Variants in GAS7 observed in about 807,000 individuals in gnomAD.
GAS7 encodes growth arrest-specific protein 7.
GAS7 carries 28 observed loss-of-function variants against 71.1 expected under a neutral mutation model. That is an observed-to-expected ratio of 0.39 (90% CI 0.29 to 0.54). The LOEUF (loss-of-function observed/expected upper bound fraction) is 0.54. Ranked by LOEUF, GAS7 falls within the 20% of genes least tolerant of loss-of-function variation. GAS7 has a pLI of 0.62. For missense variants in GAS7, 436 were observed against 627.8 expected, an observed-to-expected ratio of 0.69 and a Z score of 3.27; for synonymous variants, 258 against 245.8, an observed-to-expected ratio of 1.05 and a Z score of -0.46.
intron 1 of GAS7, among the ~76,000 whole-genome samples, chr17:10,056,435 C>A (rs2073137485): frequency 6.6e-6 from 1 of 151,902 alleles, no homozygotes; most frequent in African/African-American, 2.4e-5. Flanking sequence ...TTCAAGGCTG[C>A]AATGAACTAT....
intron 1 of GAS7, among the ~76,000 whole-genome samples, chr17:10,106,470 T>C (rs911681895): frequency 2.0e-5 from 3 of 152,224 alleles, no homozygotes; most frequent in African/African-American, 4.8e-5. Context: ...CCGGGAGAGC[T>C]AATGAAGAAC....
intron 1 of GAS7, among the ~76,000 whole-genome samples, chr17:10,170,159 T>A (rs1337338259): frequency 6.6e-6 from 1 of 150,622 alleles, no homozygotes; most frequent in Non-Finnish European, 1.5e-5. Flanking sequence ...TGCTCCCCCC[T>A]CCATCCCCCC....
intron 1 of GAS7, among the ~76,000 whole-genome samples, chr17:10,063,129 G>A (rs1443372285): frequency 1.3e-5 from 2 of 152,252 alleles, no homozygotes; most frequent in Non-Finnish European, 2.9e-5. Context: ...CTCTGTGGTG[G>A]TTTCATGGGG....
rs1287323110 is a variant in GAS7 at position 10,186,570 on chromosome 17, A to AT, written c.183+11637dup. On this transcript the variant is annotated intron_variant, in intron 1 of 13. Transcript: ENST00000432992. ...AGGCATGTGCCACCAAGCCAGGCCA[A>AT]TTTTTTTGTATTTTTAGTAGGGACT... is the stretch of plus-strand genomic sequence containing the variant. Among the ~76,000 whole-genome samples, 3 of 151,702 alleles carry AT rather than the reference A, an allele frequency of 2.0e-5. No individual in the cohort carries two copies. In the East Asian group the frequency reaches 5.8e-4, roughly 30 times the overall value.
intron 1 of GAS7, among the ~76,000 whole-genome samples, chr17:10,129,137 G>A (rs1283760022): frequency 2.0e-5 from 3 of 152,162 alleles, no homozygotes; most frequent in South Asian, 2.1e-4. Flanking sequence ...AAACTGCTGC[G>A]ATGAGAGATA....
In GAS7 at chr17:9,969,398, C is replaced by T. The variant is rs2069859193; in HGVS notation, c.471+279G>A. On this transcript the variant is annotated intron_variant, in intron 4 of 13. Coordinates refer to ENST00000432992, the MANE Select transcript of GAS7 (RefSeq NM_201433.2). The surrounding 1 kb of genome is among the most constrained non-coding windows in gnomAD (Gnocchi z 5.5). Reference sequence around the variant, plus strand: ...ACACAGGCTTCAGGTATCAGGAATCCAGACCAGAGAATGGAACTCTCTGTC... The same window carrying T: ...ACACAGGCTTCAGGTATCAGGAATCTAGACCAGAGAATGGAACTCTCTGTC... Among the ~76,000 whole-genome samples, 6 of 152,104 alleles carry T rather than the reference C, an allele frequency of 3.9e-5. No homozygotes were observed. The South Asian group carries it at 1.2e-3, about 32-fold the overall frequency.
intron 1 of GAS7, among the ~76,000 whole-genome samples, chr17:10,149,990 G>A (rs2074151248): frequency 1.3e-5 from 2 of 152,028 alleles, no homozygotes; most frequent in South Asian, 4.1e-4. Flanking sequence ...CAGGGAAGGG[G>A]TTTCTTTCTG....
intron 2 of GAS7, among the ~76,000 whole-genome samples, chr17:9,992,560 GT>G (rs1164578771): frequency 1.5e-5 from 2 of 136,378 alleles, no homozygotes; most frequent in African/African-American, 2.7e-5. Context: ...CCTTCCCAAA[GT>G]CTTTTTTTTT....
intron 1 of GAS7, among the ~76,000 whole-genome samples, chr17:10,118,246 C>T (rs971446299): frequency 6.6e-6 from 1 of 152,132 alleles, no homozygotes; most frequent in Non-Finnish European, 1.5e-5. Context: ...GGTATTTTTC[C>T]GCTTCTCACA....
chr17:9,953,722 G>A (rs1464763098), intron 5 of GAS7, among the ~76,000 whole-genome samples: 1 of 152,272 alleles, frequency 6.6e-6, no homozygotes, highest in African/African-American at 2.4e-5. Flanking sequence ...GCTCTTCCCA[G>A]CAAGCTGCAT....
chr17:10,085,060 T>C (rs151002944), intron 1 of GAS7, among the ~76,000 whole-genome samples: 73 of 152,334 alleles, frequency 4.8e-4, no homozygotes, highest in African/African-American at 1.7e-3. Flanking sequence ...CTGTTCTTAT[T>C]ATTCCTACTT....
At chr17:10,162,099 A>G (rs1247715272) in intron 1 of GAS7, among the ~76,000 whole-genome samples, 1 of 147,620 alleles carries the variant, frequency 6.8e-6, no homozygotes, top group Non-Finnish European at 1.5e-5. Context: ...TCGCCTTCCC[A>G]GAATGCTGGC....
At chr17:9,963,769 A>C (rs1419684522) in intron 4 of GAS7, among the ~76,000 whole-genome samples, 2 of 152,138 alleles carry the variant, frequency 1.3e-5, no homozygotes, top group Non-Finnish European at 2.9e-5. Context: ...ATTTTTTGAG[A>C]CAATTGAGGA....
chr17:10,113,720 C>T (rs2073835065), intron 1 of GAS7, among the ~76,000 whole-genome samples: 3 of 152,092 alleles, frequency 2.0e-5, no homozygotes, highest in Admixed American at 2.0e-4. Flanking sequence ...CTGGAAGTAC[C>T]CACAAGAAAC....
intron 7 of GAS7, among the ~76,000 whole-genome samples, chr17:9,940,719 A>C (rs1354155694): frequency 1.3e-5 from 2 of 152,154 alleles, no homozygotes; most frequent in African/African-American, 2.4e-5. Context: ...AAGTACTTCC[A>C]CGGAAACCTA....
At chr17:9,975,419 C>T (rs1349940930) in intron 3 of GAS7, among the ~76,000 whole-genome samples, 3 of 151,978 alleles carry the variant, frequency 2.0e-5, no homozygotes, top group African/African-American at 7.2e-5. Context: ...TCTTGAAATC[C>T]TCGCTTCCCT....
intron 1 of GAS7, chr17:10,027,111 AG>A (rs1283570757): frequency 6.6e-6 from 1 of 152,116 alleles, no homozygotes; most frequent in Non-Finnish European, 1.5e-5. Flanking sequence ...TGGAAGGAGG[AG>A]GTTGGGAGAG....
intron 2 of GAS7, among the ~76,000 whole-genome samples, chr17:10,017,177 T>TAA: frequency 6.7e-6 from 1 of 148,298 alleles, no homozygotes; most frequent in Non-Finnish European, 1.5e-5. Flanking sequence ...AATAAATAAA[T>TAA]AAAGAGAGGA....
chr17:10,109,946 C>T (rs779101978), intron 1 of GAS7, among the ~76,000 whole-genome samples: 79 of 149,442 alleles, frequency 5.3e-4, no homozygotes, highest in Non-Finnish European at 9.6e-4. Context: ...CCCAGCTATT[C>T]GGGAGGATGA....
Sources: gnomAD v4.1 joint callset for allele counts (sites outside exome capture counted in the v4.1 genomes callset) on GRCh38, gnomAD v4.1.1 for gene constraint, Gnocchi (gnomAD v3.1) non-coding constraint, MANE v1.5 for transcripts, NCBI Gene and HGNC (gene_info 2026-07-23, HGNC 2026-07-21) for gene names.